Variants in MYO3A observed in about 807,000 individuals in gnomAD.
The protein encoded by MYO3A is myosin-IIIa.
MYO3A carries 180 observed loss-of-function variants against 192.7 expected under a neutral mutation model. The ratio of observed to expected loss-of-function variants is 0.93; its 90% CI spans 0.83 to 1.06. MYO3A has a LOEUF of 1.06. MYO3A is among the 50% of genes least tolerant of loss of function. MYO3A has a pLI of 0.00. For synonymous variants in MYO3A, 628 were observed against 645.3 expected, an observed-to-expected ratio of 0.97 and a Z score of 0.41; for missense variants, 1,896 against 1,905.0, an observed-to-expected ratio of 1.00 and a Z score of 0.09.
intron 6 of MYO3A, among the ~76,000 whole-genome samples, chr10:26,008,476 C>T (rs1299897684): frequency 1.4e-5 from 2 of 147,976 alleles, no homozygotes; most frequent in Non-Finnish European, 3.0e-5. Flanking sequence ...ATTTTCGCAA[C>T]CTACTCGTCT....
chr10:26,079,130 T>C (rs1187689771), intron 14 of MYO3A, among the ~76,000 whole-genome samples: 3 of 152,188 alleles, frequency 2.0e-5, no homozygotes, highest in South Asian at 2.1e-4. Flanking sequence ...CCCACTATAA[T>C]TGTGTTGCTG....
intron 6 of MYO3A, among the ~76,000 whole-genome samples, chr10:26,002,354 A>G (rs2130936700): frequency 6.6e-6 from 1 of 152,332 alleles, no homozygotes; most frequent in South Asian, 2.1e-4. Flanking sequence ...TTACTTCTAT[A>G]GAAGGATGCA....
intron 2 of MYO3A, among the ~76,000 whole-genome samples, chr10:25,945,905 G>A (rs1235104651): frequency 1.3e-5 from 2 of 152,002 alleles, no homozygotes; most frequent in Non-Finnish European, 2.9e-5. Context: ...TTACCATGGG[G>A]ATTATACATA....
intron 34 of MYO3A, among the ~76,000 whole-genome samples, chr10:26,205,489 C>A (rs2132225771): frequency 7.6e-6 from 1 of 131,906 alleles, no homozygotes; most frequent in East Asian, 2.2e-4. Flanking sequence ...TGGGGGGGGG[C>A]TTCCATGTAT....
Position 26,016,888 on chromosome 10 carries a change from G to A in MYO3A, c.577G>A (p.Ala193Thr). ...NTSVGTPFWM[A>T]PEVIACEQQL... ...ATCCGTAGGAACACCGTTTTGGATG[G>A]CTCCTGAGGTCAGATAGAGTTTTGA... The change falls in exon 7 of 35, where the codon GCT (alanine) becomes ACT (threonine). Residue 193 changes from alanine (A) to threonine (T), a missense_variant. Physicochemically the swap from Ala to Thr is moderately conservative, Grantham distance 58. Transcript: ENST00000642920. 6.2e-7 allele frequency: 1 copy of A among 1,614,120 alleles called. No homozygotes were observed. Among genetic ancestry groups the A allele is most frequent in the Non-Finnish European group, 8.5e-7 (1 of 1,179,964 alleles).
intron 34 of MYO3A, among the ~76,000 whole-genome samples, chr10:26,205,456 T>A (rs997290657): frequency 7.1e-6 from 1 of 141,248 alleles, no homozygotes. Context: ...CTGCTCTGTG[T>A]GCTTGTCTTT....
At position 26,207,652 on chromosome 10, in the gene MYO3A, A is replaced by G. The variant is rs577656204; in HGVS notation, c.4731-4191A>G. Reference sequence around the variant, plus strand: ...TCTATGCATCTGTTCTTATGCCAGTACCATGCTGTTTTACTTACAATAGCT... The same window carrying G: ...TCTATGCATCTGTTCTTATGCCAGTGCCATGCTGTTTTACTTACAATAGCT... On this transcript the variant is annotated intron_variant, in intron 34 of 34. Coordinates refer to ENST00000642920, the MANE Select transcript of MYO3A (RefSeq NM_017433.5). Among the ~76,000 whole-genome samples the G allele has an allele frequency of 3.0e-3, 461 of 152,310 alleles. 3 individuals carry two copies. The highest frequency in any genetic ancestry group is 3.0e-3 in the Non-Finnish European group (201 of 68,026).
intron 23 of MYO3A, among the ~76,000 whole-genome samples, chr10:26,152,360 G>C (rs1281640108): frequency 1.3e-5 from 2 of 152,172 alleles, no homozygotes; most frequent in Non-Finnish European, 2.9e-5. Flanking sequence ...TTACAAATAA[G>C]ACATTAAGGC....
intron 31 of MYO3A, among the ~76,000 whole-genome samples, chr10:26,177,474 G>A (rs1842392651): frequency 6.6e-6 from 1 of 152,150 alleles, no homozygotes; most frequent in Non-Finnish European, 1.5e-5. Flanking sequence ...GCCTCCATGA[G>A]CCCTTCAGGT....
chr10:25,963,378 G>C (rs1248287099), intron 4 of MYO3A, among the ~76,000 whole-genome samples: 1 of 152,156 alleles, frequency 6.6e-6, no homozygotes, highest in Non-Finnish European at 1.5e-5. Flanking sequence ...GTAATATCAG[G>C]CCTGCCTTGA....
At chr10:25,974,082 T>G (rs183016477) in intron 4 of MYO3A, among the ~76,000 whole-genome samples, 91 of 152,152 alleles carry the variant, frequency 6.0e-4, no homozygotes, top group African/African-American at 2.1e-3. Flanking sequence ...AAAGCCCAAA[T>G]CGACAAATGG....
chr10:26,210,476 G>A (rs1036060105), intron 34 of MYO3A, among the ~76,000 whole-genome samples: 8 of 152,138 alleles, frequency 5.3e-5, no homozygotes, highest in African/African-American at 1.9e-4. Flanking sequence ...TTCCAAGTAT[G>A]ACCATAATCT....
chr10:26,110,742 A>G (rs963918015), intron 17 of MYO3A, among the ~76,000 whole-genome samples: 1 of 152,122 alleles, frequency 6.6e-6, no homozygotes, highest in Non-Finnish European at 1.5e-5. Context: ...TAGGCATCCT[A>G]TCATGCTGAA....
intron 32 of MYO3A, among the ~76,000 whole-genome samples, chr10:26,194,865 A>G (rs1843327733): frequency 6.6e-6 from 1 of 152,210 alleles, no homozygotes; most frequent in Non-Finnish European, 1.5e-5. Context: ...TATTCTACAT[A>G]GATACACATG....
chr10:26,173,088 C>G (rs1842131535), intron 29 of MYO3A, among the ~76,000 whole-genome samples: 1 of 150,704 alleles, frequency 6.6e-6, no homozygotes, highest in South Asian at 2.1e-4. Context: ...AAAACCTTAT[C>G]TTCAAGTGAA....
At chr10:26,141,360 CATT>C (rs1840155317) in intron 20 of MYO3A, among the ~76,000 whole-genome samples, 1 of 152,128 alleles carries the variant, frequency 6.6e-6, no homozygotes, top group African/African-American at 2.4e-5. Flanking sequence ...TTATTTTAGG[CATT>C]ATAATTTTGC....
intron 1 of MYO3A, among the ~76,000 whole-genome samples, chr10:25,934,961 C>T (rs149163734): frequency 0.014 from 2,169 of 152,158 alleles, 66 homozygotes; most frequent in African/African-American, 0.049. Context: ...TGAGGGGGCC[C>T]TGCAGGGAGA....
At chr10:26,147,316 G>A (rs1840528130) in intron 22 of MYO3A, 114 bp from the exon 23 acceptor site, 1 of 1,125,268 alleles carries the variant, frequency 8.9e-7, no homozygotes, top group East Asian at 2.4e-5. Context: ...TATCACTGTT[G>A]CTGAACATAG....
At chr10:26,001,750 G>T (rs1226860114) in intron 6 of MYO3A, among the ~76,000 whole-genome samples, 2 of 152,204 alleles carry the variant, frequency 1.3e-5, no homozygotes. Flanking sequence ...GAAAGGATGA[G>T]GCAGGAGGAT....
Sources: gnomAD v4.1 joint callset for allele counts (sites outside exome capture counted in the v4.1 genomes callset) on GRCh38, gnomAD v4.1.1 for gene constraint, MANE v1.5 for transcripts, NCBI Gene and HGNC (gene_info 2026-07-23, HGNC 2026-07-21) for gene names.